Variants in GCNT2 observed in about 807,000 individuals in gnomAD.
GCNT2 encodes the protein glucosaminyl (N-acetyl) transferase 2 (I blood group).
In GCNT2, 34 loss-of-function variants were observed where a neutral mutation model predicts 34.2. The observed-to-expected ratio is 1.00, with a 90% CI of 0.76 to 1.32. GCNT2 has a LOEUF of 1.32. Ranked by LOEUF, GCNT2 falls within the 40% of genes most tolerant of loss-of-function variation. The pLI is 0.00. For synonymous variants in GCNT2, 212 were observed against 188.0 expected (o/e 1.13, Z -1.04); for missense variants, 584 against 489.4 (o/e 1.19, Z -1.82).
chr6:10,604,743 C>T (rs1235867519), intron 3 of GCNT2, among the ~76,000 whole-genome samples: 5 of 151,966 alleles, frequency 3.3e-5, no homozygotes, highest in Non-Finnish European at 7.4e-5. Flanking sequence ...TCCAGCTAGT[C>T]CCAGCTACTT....
intron 3 of GCNT2, among the ~76,000 whole-genome samples, chr6:10,582,421 A>ATACTATTTT (rs1408379938): frequency 7.9e-6 from 1 of 126,434 alleles, no homozygotes; most frequent in Middle Eastern, 3.6e-3. Context: ...AATATTTATT[A>ATACTATTTT]TATACTATAA....
intron 3 of GCNT2, among the ~76,000 whole-genome samples, chr6:10,576,329 G>C (rs760564419): frequency 2.0e-5 from 3 of 152,188 alleles, no homozygotes; most frequent in Non-Finnish European, 4.4e-5. Context: ...TTGAGTTGTT[G>C]CAACAGAGAC....
At chr6:10,555,912 C>G in intron 3 of GCNT2, 1 of 1,001,070 alleles carries the variant, frequency 1.0e-6, no homozygotes, top group Non-Finnish European at 1.2e-6. Flanking sequence ...GGATCCTTGC[C>G]ACGAACAACA....
At chr6:10,537,722 A>G (rs868509652) in intron 3 of GCNT2, among the ~76,000 whole-genome samples, 2 of 142,130 alleles carry the variant, frequency 1.4e-5, no homozygotes, top group South Asian at 2.3e-4. Context: ...AAAAAAAAAA[A>G]AAAACAAAAC....
At chr6:10,557,002 C>T in intron 3 of GCNT2, 7 of 1,613,600 alleles carry the variant, frequency 4.3e-6, no homozygotes, top group Non-Finnish European at 5.9e-6. Context: ...GGCAAGACTT[C>T]CCCCTGAAAA....
rs1305174962 is a variant in GCNT2, at chr6:10,582,484, ATAC to A, written c.926-38864_926-38862del. 3.3e-3 allele frequency among the ~76,000 whole-genome samples: 322 copies of A among 96,308 alleles called. 7 individuals are homozygous for A. The highest frequency in any genetic ancestry group is 0.019 in the African/African-American group (296 of 15,988). The allele number at this position is 96,308 out of a possible 152,430, so 63.2% of individuals were successfully genotyped here. Reference sequence around the variant, plus strand: ...ATAAATATAATATATACTATAATATATACTATAATATATAATATAATACATCAT... The same window carrying A: ...ATAAATATAATATATACTATAATATATATAATATATAATATAATACATCAT... On this transcript the variant is annotated intron_variant, in intron 3 of 4. Coordinates refer to ENST00000495262, the MANE Select transcript of GCNT2 (RefSeq NM_145649.5).
intron 3 of GCNT2, among the ~76,000 whole-genome samples, chr6:10,532,675 C>T (rs1193663116): frequency 2.0e-5 from 3 of 152,114 alleles, no homozygotes; most frequent in African/African-American, 7.2e-5. Flanking sequence ...TGCTGTGTTG[C>T]CAGTGCTGGT....
intron 3 of GCNT2, chr6:10,574,955 A>G: frequency 4.2e-6 from 3 of 722,880 alleles, no homozygotes; most frequent in Non-Finnish European, 2.5e-6. Context: ...TGCTCAATAC[A>G]CACATTAATT....
intron 3 of GCNT2, chr6:10,558,052 A>G (rs142362118): frequency 1.3e-5 from 2 of 152,346 alleles, no homozygotes; most frequent in South Asian, 2.1e-4. Context: ...GCCAGATCTC[A>G]GCTCTCAGGT....
At position 10,563,307 on chromosome 6, in the gene GCNT2, C is replaced by T. The variant is rs1763096974; in HGVS notation, c.925+33471C>T. On this transcript the variant is annotated intron_variant, in intron 3 of 4. Transcript: ENST00000495262. ...CCCTTTTCTCTCATAAAAACATGTT[C>T]AATAATAATGTCACTCTATTATATT... Among the ~76,000 whole-genome samples, 3 of 152,132 alleles carry T rather than the reference C, an allele frequency of 2.0e-5. No individual in the cohort carries two copies. In the South Asian group the frequency reaches 6.2e-4, roughly 32 times the overall value.
rs752105144 is a variant in GCNT2, at chr6:10,528,920, C to T, written c.9C>T (p.Gly3=). 1 of 1,612,094 alleles carries T rather than the reference C, an allele frequency of 6.2e-7. No homozygotes were observed. The highest frequency in any genetic ancestry group is 1.7e-5 in the Admixed American group (1 of 60,010). MM[G]SWKHCLFSAS... ...TCATTTCCTGGTTGTGAATGATGGG[C>T]TCTTGGAAGCACTGTCTTTTTAGCG... The change falls in exon 3 of 5, where the codon GGC becomes GGT. Residue 3 remains glycine (G), a synonymous_variant. Transcript: ENST00000495262.
intron 3 of GCNT2, among the ~76,000 whole-genome samples, chr6:10,566,442 T>C (rs548059627): frequency 3.3e-5 from 5 of 152,096 alleles, no homozygotes; most frequent in Non-Finnish European, 5.9e-5. Context: ...GGACTTTAGG[T>C]GCCACCATGC....
At position 10,522,025 on chromosome 6, in the gene GCNT2, C is replaced by CT. The variant is rs1273133511; in HGVS notation, c.-469+609dup. Reference sequence around the variant, plus strand: ...GCCTCAGCCTCCTGAGTAGCTGGGACTACAGGCATGCACAACCAAGCCCGG... The same window carrying CT: ...GCCTCAGCCTCCTGAGTAGCTGGGACTTACAGGCATGCACAACCAAGCCCGG... On this transcript the variant is annotated intron_variant, in intron 1 of 4. Transcript: ENST00000495262. Among the ~76,000 whole-genome samples the CT allele has an allele frequency of 2.0e-5, 3 of 151,640 alleles. 1 individual carries two copies. Among genetic ancestry groups the CT allele is most frequent in the African/African-American group, 7.3e-5 (3 of 41,162 alleles).
chr6:10,595,720 G>T (rs540652298), intron 3 of GCNT2, among the ~76,000 whole-genome samples: 1 of 152,272 alleles, frequency 6.6e-6, no homozygotes, highest in Non-Finnish European at 1.5e-5. Context: ...TTCTATGTAG[G>T]TTTTGACTGG....
intron 3 of GCNT2, among the ~76,000 whole-genome samples, chr6:10,601,769 C>T (rs186300390): frequency 5.3e-5 from 8 of 151,994 alleles, no homozygotes; most frequent in Non-Finnish European, 1.2e-4. Context: ...ATGAAACCCC[C>T]GTCTCTACTA....
chr6:10,585,708 G>C (rs1295091778), intron 3 of GCNT2: 3 of 1,228,972 alleles, frequency 2.4e-6, no homozygotes, highest in South Asian at 1.7e-5. Context: ...GCTGGACTGG[G>C]CTGGGCTTAG....
chr6:10,553,274 G>T (rs561104014), intron 3 of GCNT2, among the ~76,000 whole-genome samples: 3 of 152,202 alleles, frequency 2.0e-5, no homozygotes, highest in African/African-American at 4.8e-5. Flanking sequence ...GAAGCCTGTT[G>T]TGTGCTCCTC....
intron 3 of GCNT2, among the ~76,000 whole-genome samples, chr6:10,577,167 A>G (rs1358076346): frequency 6.6e-6 from 1 of 152,020 alleles, no homozygotes; most frequent in Non-Finnish European, 1.5e-5. Context: ...TAGCAACTTT[A>G]CCTCCCTGAG....
intron 3 of GCNT2, among the ~76,000 whole-genome samples, chr6:10,539,448 C>G (rs1337181979): frequency 6.6e-6 from 1 of 152,054 alleles, no homozygotes; most frequent in Non-Finnish European, 1.5e-5. Context: ...CTCAGCCTCC[C>G]AAAGTGCTGG....
Sources: gnomAD v4.1 joint callset for allele counts (sites outside exome capture counted in the v4.1 genomes callset) on GRCh38, gnomAD v4.1.1 for gene constraint, MANE v1.5 for transcripts, NCBI Gene and HGNC (gene_info 2026-07-23, HGNC 2026-07-21) for gene names.